The following ROBO1 variants were observed in gnomAD, a reference collection of about 807,000 sequenced individuals.
ROBO1 encodes the protein roundabout guidance receptor 1.
A neutral mutation model predicts 195.9 loss-of-function variants in ROBO1; 149 were observed. That is an observed-to-expected ratio of 0.76 (90% CI 0.67 to 0.87). ROBO1 has a LOEUF of 0.87. ROBO1 is among the 40% of genes least tolerant of loss of function. The pLI, the probability that ROBO1 is intolerant of heterozygous loss-of-function variation, is 0.00. For missense variants in ROBO1, 1,933 were observed against 2,068.3 expected, an observed-to-expected ratio of 0.93 and a Z score of 1.27; for synonymous variants, 816 against 733.2, an observed-to-expected ratio of 1.11 and a Z score of -1.82.
At chr3:79,094,190 G>A (rs552721213) in intron 3 of ROBO1, among the ~76,000 whole-genome samples, 1 of 152,086 alleles carries the variant, frequency 6.6e-6, no homozygotes. Context: ...AGTTATGGGA[G>A]TTGCTTATTA....
intron 4 of ROBO1, among the ~76,000 whole-genome samples, chr3:78,768,113 T>G (rs951934305): frequency 6.6e-6 from 1 of 152,116 alleles, no homozygotes; most frequent in Non-Finnish European, 1.5e-5. Context: ...GAGGTTTTGA[T>G]AGGTTGTATC....
chr3:79,699,620 G>A (rs542298094), intron 1 of ROBO1, among the ~76,000 whole-genome samples: 1 of 151,558 alleles, frequency 6.6e-6, no homozygotes. Context: ...GAAAGTCTTG[G>A]ATAGGAGCTG....
intron 1 of ROBO1, among the ~76,000 whole-genome samples, chr3:79,732,879 A>G (rs1366457040): frequency 6.6e-6 from 1 of 151,974 alleles, no homozygotes; most frequent in Non-Finnish European, 1.5e-5. Context: ...TTCATGTTTT[A>G]AAGTGCAATA....
At position 79,177,374 on chromosome 3, in the gene ROBO1, C is replaced by T. The variant is rs141649356; in HGVS notation, c.89-51835G>A. On this transcript the variant is annotated intron_variant, in intron 2 of 30. Coordinates refer to ENST00000464233, the MANE Select transcript of ROBO1 (RefSeq NM_002941.4). ...CAAGTGCATTGCCTCAGATGGAGTG[C>T]TGTTCCAGCACAGACCAGACCCCTT... is the stretch of plus-strand genomic sequence containing the variant. Among the ~76,000 whole-genome samples the T allele has an allele frequency of 4.6e-5, 7 of 152,324 alleles. No individual in the cohort carries two copies. In the South Asian group the frequency reaches 1.4e-3, roughly 32 times the overall value.
intron 1 of ROBO1, among the ~76,000 whole-genome samples, chr3:79,760,697 C>A (rs956126271): frequency 6.6e-6 from 1 of 150,658 alleles, no homozygotes; most frequent in Admixed American, 6.6e-5. Context: ...ATTCAACTGG[C>A]AAAATTACAA....
chr3:79,170,613 G>A (rs1021556354), intron 2 of ROBO1, among the ~76,000 whole-genome samples: 30 of 152,116 alleles, frequency 2.0e-4, no homozygotes, highest in Non-Finnish European at 3.7e-4. Flanking sequence ...ACAAATTTTT[G>A]TAAATTTGCT....
At chr3:78,707,815 T>A (rs1232447182) in intron 8 of ROBO1, among the ~76,000 whole-genome samples, 1 of 152,210 alleles carries the variant, frequency 6.6e-6, no homozygotes, top group Non-Finnish European at 1.5e-5. Context: ...TTCCTGTGAC[T>A]GGCTGGCCCT....
intron 2 of ROBO1, among the ~76,000 whole-genome samples, chr3:79,207,288 C>T (rs1030535308): frequency 6.6e-6 from 1 of 152,118 alleles, no homozygotes. Context: ...AGAAGAACTT[C>T]TACATGTCAT....
chr3:79,719,661 T>C (rs1335531724), intron 1 of ROBO1, among the ~76,000 whole-genome samples: 1 of 152,168 alleles, frequency 6.6e-6, no homozygotes, highest in Non-Finnish European at 1.5e-5. Flanking sequence ...TTTCATATCA[T>C]ATTACAAAAG....
intron 3 of ROBO1, among the ~76,000 whole-genome samples, chr3:78,964,394 A>T (rs2041566424): frequency 6.6e-6 from 1 of 152,182 alleles, no homozygotes; most frequent in Non-Finnish European, 1.5e-5. Flanking sequence ...ACAGGGGCAG[A>T]AAGGGAACAA....
At chr3:79,697,415 T>A (rs766380348) in intron 1 of ROBO1, among the ~76,000 whole-genome samples, 24 of 151,570 alleles carry the variant, frequency 1.6e-4, no homozygotes, top group South Asian at 6.2e-4. Flanking sequence ...ATGAGCTAGA[T>A]TTAATTTTGA....
At chr3:78,871,435 C>T (rs905216090) in intron 4 of ROBO1, among the ~76,000 whole-genome samples, 2 of 151,964 alleles carry the variant, frequency 1.3e-5, no homozygotes, top group African/African-American at 4.8e-5. Flanking sequence ...GGATGAAAAA[C>T]GGAGCTTTCT....
chr3:78,825,352 A>T (rs1196313777), intron 4 of ROBO1, among the ~76,000 whole-genome samples: 2 of 152,118 alleles, frequency 1.3e-5, no homozygotes, highest in Non-Finnish European at 2.9e-5. Context: ...CACCTAGGAG[A>T]ACCCAAAAAT....
chr3:79,128,811 AAT>A (rs1210618440), intron 2 of ROBO1, among the ~76,000 whole-genome samples: 4 of 152,076 alleles, frequency 2.6e-5, no homozygotes, highest in Non-Finnish European at 5.9e-5. Flanking sequence ...TTGTTTTTTA[AAT>A]TTGTTTTAAA....
chr3:79,662,920 T>C (rs1946372645), intron 1 of ROBO1, among the ~76,000 whole-genome samples: 1 of 151,956 alleles, frequency 6.6e-6, no homozygotes, highest in Non-Finnish European at 1.5e-5. Context: ...AACTGCAAGA[T>C]AAACCAAAGA....
chr3:79,595,128 C>T (rs1056508662), intron 1 of ROBO1, among the ~76,000 whole-genome samples: 1 of 151,782 alleles, frequency 6.6e-6, no homozygotes, highest in Non-Finnish European at 1.5e-5. Flanking sequence ...TGCACATATG[C>T]ACACATATGC....
At chr3:79,453,906 G>A (rs975588780) in intron 2 of ROBO1, among the ~76,000 whole-genome samples, 5 of 152,090 alleles carry the variant, frequency 3.3e-5, no homozygotes, top group African/African-American at 1.2e-4. Flanking sequence ...ATGAAAGATT[G>A]ATTTTGCAGA....
intron 10 of ROBO1, among the ~76,000 whole-genome samples, chr3:78,685,427 T>C (rs1042249883): frequency 2.0e-5 from 3 of 151,554 alleles, no homozygotes; most frequent in Non-Finnish European, 4.4e-5. Context: ...AGAGAAGAGA[T>C]GGCAATTTAC....
chr3:79,578,967 T>C (rs2107781061), intron 2 of ROBO1, among the ~76,000 whole-genome samples: 1 of 152,316 alleles, frequency 6.6e-6, no homozygotes, highest in Non-Finnish European at 1.5e-5. Flanking sequence ...TTTAATAGCT[T>C]TGAGGAGCTT....
Sources: allele counts gnomAD v4.1 joint callset (sites outside exome capture counted in the v4.1 genomes callset), GRCh38; gene constraint gnomAD v4.1.1; transcripts MANE v1.5; gene names NCBI Gene and HGNC (gene_info 2026-07-23, HGNC 2026-07-21).